SHOC1: variants seen among roughly 807,000 people sequenced by gnomAD.
The protein encoded by SHOC1 is protein shortage in chiasmata 1 ortholog.
A neutral mutation model predicts 179.2 loss-of-function variants in SHOC1; 136 were observed. The observed-to-expected ratio is 0.76, with a 90% CI of 0.66 to 0.87. SHOC1 has a LOEUF of 0.87. SHOC1 is among the 40% of genes least tolerant of loss of function. The probability of loss-of-function intolerance (pLI) is 0.00; values close to 1 mark genes in which losing one functional copy is unlikely to be tolerated. For synonymous variants in SHOC1, 489 were observed against 586.6 expected (o/e 0.83, Z 2.41); for missense variants, 1,538 against 1,700.8 (o/e 0.90, Z 1.68).
At chr9:111,722,819 T>C (rs868170013) in intron 14 of SHOC1, among the ~76,000 whole-genome samples, 2 of 152,198 alleles carry the variant, frequency 1.3e-5, no homozygotes, top group South Asian at 2.1e-4. Context: ...TATTTATTCA[T>C]TGAGACAGAG....
intron 5 of SHOC1, among the ~76,000 whole-genome samples, chr9:111,762,868 C>CA (rs1036019435): frequency 1.9e-4 from 27 of 143,206 alleles, no homozygotes; most frequent in Middle Eastern, 3.7e-3. Flanking sequence ...TATAGTCAGA[C>CA]AAAAAAAAAA....
chr9:111,756,729 C>T (rs1020810737), intron 7 of SHOC1, among the ~76,000 whole-genome samples: 5 of 152,038 alleles, frequency 3.3e-5, no homozygotes, highest in African/African-American at 1.2e-4. Context: ...GTACAATATC[C>T]CTAGATGCAG....
At chr9:111,712,106 G>A (rs994896966) in intron 18 of SHOC1, among the ~76,000 whole-genome samples, 1 of 152,174 alleles carries the variant, frequency 6.6e-6, no homozygotes, top group Non-Finnish European at 1.5e-5. Flanking sequence ...AAGTTCAGAG[G>A]TAGGACCGTT....
At position 111,694,351 on chromosome 9, in the gene SHOC1, G is replaced by A. The variant is rs1284188788; in HGVS notation, c.3195C>T (p.Ala1065=). 1 of 1,604,154 alleles carries A rather than the reference G, an allele frequency of 6.2e-7. No homozygotes were observed. Among genetic ancestry groups the A allele is most frequent in the South Asian group, 1.1e-5 (1 of 89,404 alleles). The part of the protein sequence containing the change: ...SEELDVKLII[A]PGVEATALII... ...TCAAGGCAGTTGCTTCTACTCCTGG[G>A]GCAATTATAAGCTAAAAAATATTTT... The change falls in exon 25 of 28, where the codon GCC becomes GCT. Residue 1065 remains alanine, a synonymous_variant. Transcript: ENST00000682961.
intron 16 of SHOC1, among the ~76,000 whole-genome samples, chr9:111,715,731 C>T (rs1832755093): frequency 6.6e-6 from 1 of 152,124 alleles, no homozygotes; most frequent in African/African-American, 2.4e-5. Flanking sequence ...GTCTTTTATA[C>T]TATATCTACT....
rs112783057 is a variant in SHOC1 at position 111,758,416 on chromosome 9, T to C, written c.597-221A>G. 3.5e-3 allele frequency among the ~76,000 whole-genome samples: 528 copies of C among 152,292 alleles called. 2 individuals carry two copies. Among genetic ancestry groups the C allele is most frequent in the African/African-American group, 0.012 (492 of 41,558 alleles). ...TTCAAGACCAGCCTGGCCAACATGG[T>C]GAAACCATGTCTCTACTAAAAATAC... On this transcript the variant is annotated intron_variant, in intron 6 of 27. Transcript: ENST00000682961.
chr9:111,718,253 C>T lies in SHOC1; in HGVS notation c.2167G>A (p.Ala723Thr), dbSNP rs1832884189. ...GTTACCAGAAGATGTAAGAGAGCGG[C>T]ATGCTTGAAAGTCATTTCTCTTTCA... ...IDEREMTFKH[A>T]ALLHLLVTIR... The change falls in exon 16 of 28, where the codon GCC becomes ACC. Residue 723 changes from alanine (A) to threonine (T), a missense_variant. By Grantham distance (58) the Ala-to-Thr change is moderately conservative (BLOSUM62 0). Transcript: ENST00000682961. 6.3e-7 allele frequency: 1 copy of T among 1,596,252 alleles called. No individual in the cohort carries two copies. The highest frequency in any genetic ancestry group is 1.2e-5 in the South Asian group (1 of 86,898).
chr9:111,715,722 T>TTTTATA (rs1832754706), intron 16 of SHOC1, among the ~76,000 whole-genome samples: 1 of 152,168 alleles, frequency 6.6e-6, no homozygotes, highest in South Asian at 2.1e-4. Flanking sequence ...CCTAGAATAG[T>TTTTATA]CTTTTATACT....
intron 5 of SHOC1, chr9:111,759,148 G>A: frequency 6.3e-7 from 1 of 1,595,654 alleles, no homozygotes; most frequent in Non-Finnish European, 8.5e-7. Context: ...AATATCTTAT[G>A]GACTTACACT....
At chr9:111,767,038 ATT>A (rs57810014) in intron 5 of SHOC1, among the ~76,000 whole-genome samples, 8,436 of 150,748 alleles carry the variant, frequency 0.056, 568 homozygotes, top group African/African-American at 0.16. Context: ...TTTTAATTGG[ATT>A]TTTTTTTTTG....
intron 11 of SHOC1, 38 bp downstream of exon 11, chr9:111,741,438 T>C (rs766032957): frequency 1.7e-6 from 2 of 1,156,268 alleles, no homozygotes; most frequent in South Asian, 2.6e-5. Context: ...TTTTTACCTA[T>C]ACTTTCTATT....
chr9:111,719,868 T>G (rs1832958464), intron 15 of SHOC1, among the ~76,000 whole-genome samples: 1 of 152,074 alleles, frequency 6.6e-6, no homozygotes, highest in African/African-American at 2.4e-5. Context: ...TAAAAGAGAG[T>G]TAACCTTTAA....
intron 8 of SHOC1, among the ~76,000 whole-genome samples, chr9:111,751,975 G>C (rs1156585682): frequency 1.3e-5 from 2 of 152,192 alleles, no homozygotes; most frequent in African/African-American, 4.8e-5. Flanking sequence ...CCTGTAGATA[G>C]CATTTATAAC....
At chr9:111,721,559 C>T (rs914417186) in intron 15 of SHOC1, among the ~76,000 whole-genome samples, 2 of 152,106 alleles carry the variant, frequency 1.3e-5, no homozygotes, top group Non-Finnish European at 2.9e-5. Context: ...AGGCTGGTCT[C>T]GAACTCCTGA....
chr9:111,721,897 T>C (rs1378454091), intron 15 of SHOC1, among the ~76,000 whole-genome samples: 1 of 152,190 alleles, frequency 6.6e-6, no homozygotes, highest in Non-Finnish European at 1.5e-5. Flanking sequence ...TAGGGCTCAT[T>C]TCACTCATTT....
At chr9:111,708,736 A>G (rs1377544087) in intron 18 of SHOC1, among the ~76,000 whole-genome samples, 1 of 152,188 alleles carries the variant, frequency 6.6e-6, no homozygotes, top group Non-Finnish European at 1.5e-5. Flanking sequence ...CTTGCTTCTC[A>G]TACTTTAAAT....
chr9:111,769,986 G>GTTTTTTTTTCATTTTTTTTTTCTTTTTT (rs1835523178), intron 5 of SHOC1, among the ~76,000 whole-genome samples: 1 of 77,662 alleles, frequency 1.3e-5, no homozygotes, highest in East Asian at 3.1e-4. Context: ...TTTTTTTTTT[G>GTTTTTTTTTCATTTTTTTTTTCTTTTTT]TTTTTTTTTT....
chr9:111,748,545 CAAT>C (rs1834394968), intron 8 of SHOC1, among the ~76,000 whole-genome samples: 1 of 152,156 alleles, frequency 6.6e-6, no homozygotes, highest in Admixed American at 6.6e-5. Flanking sequence ...TCATCTCTAT[CAAT>C]ATATGATGAC....
intron 5 of SHOC1, among the ~76,000 whole-genome samples, chr9:111,768,256 T>C (rs1370591773): frequency 6.6e-6 from 1 of 151,786 alleles, no homozygotes; most frequent in South Asian, 2.1e-4. Context: ...GATGGAGTCT[T>C]ACTCTGTCAC....
Sources: gnomAD v4.1 joint callset for allele counts (sites outside exome capture counted in the v4.1 genomes callset) on GRCh38, gnomAD v4.1.1 for gene constraint, MANE v1.5 for transcripts, NCBI Gene and HGNC (gene_info 2026-07-23, HGNC 2026-07-21) for gene names.